The following FRMD5 variants were observed in gnomAD, a reference collection of about 807,000 sequenced individuals.
FRMD5 encodes the protein FERM domain-containing protein 5.
FRMD5 carries 20 observed loss-of-function variants against 69.0 expected under a neutral mutation model. The ratio of observed to expected loss-of-function variants is 0.29; its 90% CI spans 0.20 to 0.42. The LOEUF (loss-of-function observed/expected upper bound fraction) is 0.42, where lower values mean the gene tolerates loss of function less well. FRMD5 is among the 10% of genes least tolerant of loss of function. The pLI is 1.00. For synonymous variants in FRMD5, 271 were observed against 260.1 expected (o/e 1.04, Z -0.40); for missense variants, 595 against 708.6 (o/e 0.84, Z 1.82).
At chr15:44,066,170 G>C (rs1043308041) in intron 1 of FRMD5, among the ~76,000 whole-genome samples, 1 of 152,086 alleles carries the variant, frequency 6.6e-6, no homozygotes, top group African/African-American at 2.4e-5. Context: ...CACAGATGTA[G>C]GTGTCCAGGT....
chr15:43,944,829 G>T (rs1345714848), intron 1 of FRMD5, among the ~76,000 whole-genome samples: 1 of 152,130 alleles, frequency 6.6e-6, no homozygotes, highest in African/African-American at 2.4e-5. Context: ...ACAGAATTTG[G>T]GGCTTCCCAT....
At chr15:44,006,277 A>G (rs1345070522) in intron 1 of FRMD5, among the ~76,000 whole-genome samples, 2 of 152,200 alleles carry the variant, frequency 1.3e-5, no homozygotes, top group Non-Finnish European at 2.9e-5. Context: ...GGTTTACAGA[A>G]TATTTTCAGT....
In FRMD5 at chr15:44,180,484, G is replaced by A. The variant is rs537740113; in HGVS notation, c.102+14469C>T. Among the ~76,000 whole-genome samples, 4 of 152,010 alleles carry A rather than the reference G, an allele frequency of 2.6e-5. No individual in the cohort carries two copies. The South Asian group carries it at 8.3e-4, about 32-fold the overall frequency. The stretch of plus-strand genomic sequence containing the variant: ...AAGGAACAAAGAATTACAGAGAAAG[G>A]ATGTAAAAAAAGAATACTGGCCAGG... On this transcript the variant is annotated intron_variant, in intron 1 of 13. Coordinates refer to ENST00000417257, the MANE Select transcript of FRMD5 (RefSeq NM_032892.5).
intron 1 of FRMD5, among the ~76,000 whole-genome samples, chr15:44,179,219 C>T (rs1469049944): frequency 1.3e-5 from 2 of 152,020 alleles, no homozygotes; most frequent in African/African-American, 4.8e-5. Flanking sequence ...AAACTGATTC[C>T]AAATATAATT....
intron 1 of FRMD5, among the ~76,000 whole-genome samples, chr15:43,980,395 G>A (rs940500237): frequency 2.6e-5 from 4 of 152,172 alleles, no homozygotes; most frequent in African/African-American, 7.2e-5. Flanking sequence ...AAATAACTCA[G>A]CATTTCTAAC....
chr15:44,069,069 A>C (rs1893423569), intron 1 of FRMD5, among the ~76,000 whole-genome samples: 1 of 152,240 alleles, frequency 6.6e-6, no homozygotes, highest in Non-Finnish European at 1.5e-5. Flanking sequence ...GCAAATAAGT[A>C]CATGAAAAGA....
chr15:43,975,035 T>C (rs1488280266), intron 1 of FRMD5, among the ~76,000 whole-genome samples: 1 of 152,186 alleles, frequency 6.6e-6, no homozygotes, highest in East Asian at 1.9e-4. Context: ...TCTAATGTGC[T>C]CAGCTGGAAC....
chr15:44,077,075 T>C (rs938900096), intron 1 of FRMD5, among the ~76,000 whole-genome samples: 1 of 152,104 alleles, frequency 6.6e-6, no homozygotes, highest in African/African-American at 2.4e-5. Flanking sequence ...CCAGAAAACA[T>C]TTCTTTTGCT....
At chr15:44,002,751 C>T (rs1217617681) in intron 1 of FRMD5, among the ~76,000 whole-genome samples, 1 of 152,106 alleles carries the variant, frequency 6.6e-6, no homozygotes, top group East Asian at 1.9e-4. Flanking sequence ...AACTACCAGG[C>T]CCAGGGTGCG....
chr15:43,983,897 G>A (rs1289312556), intron 1 of FRMD5, among the ~76,000 whole-genome samples: 2 of 152,148 alleles, frequency 1.3e-5, no homozygotes, highest in Admixed American at 6.5e-5. Context: ...AAAATGTAAG[G>A]ACAATTTATA....
chr15:43,879,567 G>A (rs2088465871), intron 13 of FRMD5: 2 of 398,834 alleles, frequency 5.0e-6, no homozygotes, highest in Non-Finnish European at 8.8e-6. Flanking sequence ...CTGGAGCCGG[G>A]GCCCCATCCT....
intron 1 of FRMD5, among the ~76,000 whole-genome samples, chr15:43,955,945 AC>A (rs2090108599): frequency 6.6e-6 from 1 of 152,174 alleles, no homozygotes; most frequent in African/African-American, 2.4e-5. Flanking sequence ...TAAGACAAAA[AC>A]ATAAGGCTAA....
chr15:43,888,262 T>C lies in FRMD5; in HGVS notation c.797A>G (p.Lys266Arg). The change falls in exon 10 of 14, where the codon AAG becomes AGG. Residue 266 changes from lysine (K) to arginine (R), a missense_variant. By Grantham distance (26) the Lys-to-Arg change is conservative. This residue lies in a region of FRMD5 where 176 missense variants were observed against 266.3 expected (regional missense o/e 0.66). Transcript: ENST00000417257. ...FYLYVSQKEE[K>R]KIILTYFAPT... is the part of the protein sequence containing the mutation. ...AGCAAAATATGTAAGAATAATTTTC[T>C]TTTCCTGCAAAAAATTCCACATTGA... The C allele has an allele frequency of 6.2e-7, 1 of 1,611,900 alleles. No homozygotes were observed. Among genetic ancestry groups the C allele is most frequent in the South Asian group, 1.1e-5 (1 of 90,964 alleles).
Position 44,134,107 on chromosome 15 carries a change from A to G in FRMD5, c.102+60846T>C, listed in dbSNP as rs565444960. 1.8e-3 allele frequency among the ~76,000 whole-genome samples: 272 copies of G among 152,212 alleles called. 1 individual carries two copies. The highest frequency in any genetic ancestry group is 3.0e-3 in the Non-Finnish European group (203 of 68,018). On this transcript the variant is annotated intron_variant, in intron 1 of 13. Coordinates refer to ENST00000417257, the MANE Select transcript of FRMD5 (RefSeq NM_032892.5). ...CAGATGGCCAAAGCAAGACATGCAA[A>G]AGACTGGCAAATACTTTGTTTTTTT...
chr15:44,195,068 C>T lies in FRMD5; in HGVS notation c.-14G>A. ...CCTGCTCAGCATCTTCCCGCCCGCC[C>T]GCCCGGGAGCGACGCGGCGGCGCTG... On this transcript the variant is annotated 5_prime_UTR_variant, in exon 1 of 14. Transcript: ENST00000417257. The T allele has an allele frequency of 1.3e-6, 2 of 1,510,732 alleles. No homozygotes were observed. The highest frequency in any genetic ancestry group is 1.8e-6 in the Non-Finnish European group (2 of 1,135,028). 93.6% of individuals were successfully genotyped at this position (1,510,732 alleles called of 1,614,324 possible). A position where few individuals can be genotyped will look rare whatever the true frequency, so the allele number is the denominator to read the frequency against.
At chr15:43,907,646 T>A (rs565292702) in intron 5 of FRMD5, among the ~76,000 whole-genome samples, 6 of 152,114 alleles carry the variant, frequency 3.9e-5, no homozygotes, top group African/African-American at 1.4e-4. Flanking sequence ...TAGCTGGGAC[T>A]ACAGGCATGT....
chr15:43,902,498 A>G lies in FRMD5; in HGVS notation c.552-236T>C, dbSNP rs181930162. ...GAATTACTTGGGCTGAGTGTAAACA[A>G]TGGGGAGTGGTGGGGACTGTGGCAG... On this transcript the variant is annotated intron_variant, in intron 6 of 13. Transcript: ENST00000417257. Among the ~76,000 whole-genome samples the G allele has an allele frequency of 5.7e-4, 87 of 152,166 alleles. 1 individual carries two copies. The East Asian group carries it at 0.016, about 29-fold the overall frequency.
chr15:43,878,743 C>T (rs192598433), intron 13 of FRMD5, among the ~76,000 whole-genome samples: 2 of 152,090 alleles, frequency 1.3e-5, no homozygotes, highest in African/African-American at 4.8e-5. Context: ...CAGGATCTTT[C>T]AAAGTATGAA....
intron 5 of FRMD5, among the ~76,000 whole-genome samples, chr15:43,909,070 G>T (rs1236408924): frequency 2.6e-5 from 4 of 152,004 alleles, no homozygotes; most frequent in Non-Finnish European, 4.4e-5. Flanking sequence ...TGAGTGTTCA[G>T]TGTTTTCTGG....
Sources: allele counts gnomAD v4.1 joint callset (sites outside exome capture counted in the v4.1 genomes callset), GRCh38; gene constraint gnomAD v4.1.1; regional missense constraint gnomAD v4.1.1; transcripts MANE v1.5; gene names NCBI Gene and HGNC (gene_info 2026-07-23, HGNC 2026-07-21).